The following CDKL5 variants were observed in gnomAD, a reference collection of about 807,000 sequenced individuals.
The protein encoded by CDKL5 is cyclin-dependent kinase-like 5.
A neutral mutation model predicts 61.7 loss-of-function variants in CDKL5; 8 were observed. That is an observed-to-expected ratio of 0.13 (90% CI 0.08 to 0.23). The LOEUF (loss-of-function observed/expected upper bound fraction) is 0.23. Ranked by LOEUF, CDKL5 falls within the 10% of genes least tolerant of loss-of-function variation. CDKL5 has a pLI of 1.00. For synonymous variants in CDKL5, 275 were observed against 272.3 expected (o/e 1.01, Z -0.10); for missense variants, 440 against 734.5 (o/e 0.60, Z 4.63).
intron 1 of CDKL5, among the ~76,000 whole-genome samples, chrX:18,471,625 G>A (rs954349670): frequency 8.9e-6 from 1 of 111,732 alleles, no homozygotes; most frequent in Non-Finnish European, 1.9e-5. Context: ...CCCCTACCTT[G>A]GTCTCCCAAG....
At chrX:18,613,390 T>G in intron 15 of CDKL5, 115 bp downstream of exon 15, 8 of 651,171 alleles carry the variant, frequency 1.2e-5, no homozygotes, top group Non-Finnish European at 1.8e-5. Flanking sequence ...TTTTTTTCTC[T>G]AGATAAATTA....
At chrX:18,427,848 G>C (rs1931401847) in intron 1 of CDKL5, among the ~76,000 whole-genome samples, 1 of 110,399 alleles carries the variant, frequency 9.1e-6, no homozygotes, top group African/African-American at 3.3e-5. Flanking sequence ...TCAGGTTTTT[G>C]ATTTTTACTT....
Position 18,631,668 on chromosome X carries a change from T to A in CDKL5, c.*2911T>A. 1.3e-6 allele frequency: 1 copy of A among 751,521 alleles called. No individual in the cohort carries two copies. The highest frequency in any genetic ancestry group is 1.6e-6 in the Non-Finnish European group (1 of 636,459). 61.9% of individuals were successfully genotyped at this position (751,521 alleles called of 1,213,427 possible). A position where few individuals can be genotyped will look rare whatever the true frequency, so the allele number is the denominator to read the frequency against. On this transcript the variant is annotated 3_prime_UTR_variant, in exon 18 of 18. Coordinates refer to ENST00000623535, the MANE Select transcript of CDKL5 (RefSeq NM_001323289.2). ...GGTGAATGAAAGCTTATGTTACTTT[T>A]ATGAAAGTATCACTGATCTCCTTTG...
intron 1 of CDKL5, among the ~76,000 whole-genome samples, chrX:18,425,950 G>A (rs1931353384): frequency 1.8e-5 from 2 of 112,588 alleles, no homozygotes; most frequent in African/African-American, 6.4e-5. Flanking sequence ...TTGGGGTGTG[G>A]GGAGGCGAAA....
At chrX:18,554,175 C>A (rs1924509636) in intron 3 of CDKL5, among the ~76,000 whole-genome samples, 1 of 107,215 alleles carries the variant, frequency 9.3e-6, no homozygotes, top group African/African-American at 3.4e-5. Flanking sequence ...ATTAACTCGT[C>A]ATTTACATTA....
At chrX:18,577,234 C>T (rs1471298850) in intron 5 of CDKL5, among the ~76,000 whole-genome samples, 10 of 111,209 alleles carry the variant, frequency 9.0e-5, no homozygotes, top group Non-Finnish European at 1.7e-4. Flanking sequence ...TTCTGTGTAT[C>T]TGTTTCCTCA....
chrX:18,514,739 G>A (rs1922952257), intron 3 of CDKL5, among the ~76,000 whole-genome samples: 1 of 110,135 alleles, frequency 9.1e-6, no homozygotes, highest in Non-Finnish European at 1.9e-5. Context: ...TTCTGGTTTG[G>A]ACCTTTACCC....
intron 1 of CDKL5, among the ~76,000 whole-genome samples, chrX:18,475,190 C>G (rs1425086259): frequency 1.8e-5 from 2 of 111,611 alleles, no homozygotes; most frequent in African/African-American, 6.5e-5. Context: ...AACTCCTGAC[C>G]TCACGTGATC....
At chrX:18,650,500 C>G in exon 21 of CDKL5, 1 of 1,211,968 alleles carries the variant, frequency 8.3e-7, no homozygotes, top group Non-Finnish European at 1.1e-6. Context: ...AGTCCTGCTC[C>G]CTATCCAGTA....
downstream of CDKL5, chrX:18,641,598 G>A (rs1180603534): frequency 6.1e-6 from 1 of 163,761 alleles, no homozygotes; most frequent in Middle Eastern, 2.5e-3. Flanking sequence ...TTCAAAGCCA[G>A]GCTTTAGGAA....
intron 3 of CDKL5, among the ~76,000 whole-genome samples, chrX:18,558,297 A>G (rs1413950068): frequency 8.9e-6 from 1 of 111,967 alleles, no homozygotes; most frequent in African/African-American, 3.2e-5. Context: ...CTTGCTAACT[A>G]CAGCTGGTGA....
intron 15 of CDKL5, among the ~76,000 whole-genome samples, chrX:18,613,647 A>G (rs1417368822): frequency 9.0e-6 from 1 of 111,441 alleles, no homozygotes; most frequent in Non-Finnish European, 1.9e-5. Flanking sequence ...CTGTGCTTCC[A>G]TGCTAGTGGC....
chrX:18,543,815 C>T (rs980131388), intron 3 of CDKL5, among the ~76,000 whole-genome samples: 2 of 111,452 alleles, frequency 1.8e-5, no homozygotes, highest in Non-Finnish European at 3.8e-5. Flanking sequence ...AAACCACTCA[C>T]AATTCTTTTA....
chrX:18,481,908 A>T (rs1159746817), intron 1 of CDKL5, among the ~76,000 whole-genome samples: 6 of 110,346 alleles, frequency 5.4e-5, no homozygotes, highest in Non-Finnish European at 7.6e-5. Context: ...GAGGGGTGGC[A>T]GGGGATGTGA....
intron 17 of CDKL5, among the ~76,000 whole-genome samples, chrX:18,626,259 G>A (rs968118425): frequency 4.5e-5 from 5 of 110,067 alleles, no homozygotes; most frequent in Non-Finnish European, 7.6e-5. Context: ...GGTAGAGACG[G>A]GGTTTTGCCA....
At position 18,635,762 on chromosome X, in the gene CDKL5, G is replaced by A; in HGVS notation, c.*7005G>A. 1 of 244,761 alleles carries A rather than the reference G, an allele frequency of 4.1e-6. No individual in the cohort carries two copies. Among genetic ancestry groups the A allele is most frequent in the Non-Finnish European group, 5.8e-6 (1 of 173,708 alleles). The allele number at this position is 244,761 out of a possible 1,213,427, so 20.2% of individuals were successfully genotyped here. On this transcript the variant is annotated 3_prime_UTR_variant, in exon 18 of 18. Coordinates refer to ENST00000623535, the MANE Select transcript of CDKL5 (RefSeq NM_001323289.2). ...TCTTGTGCTAAGTGCTATGGAGAAA[G>A]CAAAGATGCACAGCTTAATAAGGGT...
At chrX:18,478,598 G>A (rs775229690) in intron 1 of CDKL5, among the ~76,000 whole-genome samples, 2 of 107,838 alleles carry the variant, frequency 1.9e-5, no homozygotes, top group Admixed American at 9.9e-5. Context: ...GCCAATCTCC[G>A]TTGTTTCTAA....
chrX:18,462,746 G>A (rs1021882172), intron 1 of CDKL5, among the ~76,000 whole-genome samples: 5 of 111,714 alleles, frequency 4.5e-5, no homozygotes, highest in Non-Finnish European at 7.5e-5. Context: ...ACTGGAGGCC[G>A]GGCGTGGTGG....
chrX:18,555,366 AG>A (rs1924563814), intron 3 of CDKL5, among the ~76,000 whole-genome samples: 2 of 112,388 alleles, frequency 1.8e-5, no homozygotes, highest in Non-Finnish European at 3.8e-5. Flanking sequence ...TACATGCAAT[AG>A]CATATGCTAG....
Sources: gnomAD v4.1 joint callset for allele counts (sites outside exome capture counted in the v4.1 genomes callset) on GRCh38, gnomAD v4.1.1 for gene constraint, MANE v1.5 for transcripts, NCBI Gene and HGNC (gene_info 2026-07-23, HGNC 2026-07-21) for gene names.